LRRC7: variants seen among roughly 807,000 people sequenced by gnomAD.
LRRC7 encodes the protein leucine-rich repeat-containing protein 7.
Under a neutral mutation model 175.7 loss-of-function variants are expected in LRRC7, and 23 were observed. The observed-to-expected ratio is 0.13, with a 90% CI of 0.09 to 0.19. The LOEUF is 0.19. Among genes scored for constraint, LRRC7 ranks in the 10% least tolerant of loss-of-function variants. LRRC7 has a pLI of 1.00. For synonymous variants in LRRC7, 685 were observed against 680.9 expected (o/e 1.01, Z -0.09); for missense variants, 1,354 against 1,904.7 (o/e 0.71, Z 5.38).
intron 5 of LRRC7, among the ~76,000 whole-genome samples, chr1:69,829,338 GT>G (rs1446902397): frequency 2.6e-5 from 4 of 151,786 alleles, no homozygotes; most frequent in African/African-American, 9.7e-5. Context: ...CTTTGTTGTA[GT>G]TTTTTAACTG....
At chr1:69,655,671 A>C (rs1345770838) in intron 1 of LRRC7, among the ~76,000 whole-genome samples, 2 of 152,100 alleles carry the variant, frequency 1.3e-5, no homozygotes, top group East Asian at 3.8e-4. Flanking sequence ...AAAGAAAAGG[A>C]AAAAGGATAA....
At chr1:69,943,079 A>G (rs958845185) in intron 8 of LRRC7, among the ~76,000 whole-genome samples, 1 of 152,122 alleles carries the variant, frequency 6.6e-6, no homozygotes, top group African/African-American at 2.4e-5. Flanking sequence ...AAGCCAGAAG[A>G]TTGGACAGCC....
intron 25 of LRRC7, among the ~76,000 whole-genome samples, chr1:70,099,062 A>G (rs1341494162): frequency 6.7e-6 from 1 of 150,270 alleles, no homozygotes; most frequent in Non-Finnish European, 1.5e-5. Flanking sequence ...CATTGATGCA[A>G]AAATCCTCAA....
At position 69,669,711 on chromosome 1, in the gene LRRC7, T is replaced by G. The variant is rs937965169; in HGVS notation, c.3-8670T>G. Among the ~76,000 whole-genome samples, 8 of 152,344 alleles carry G rather than the reference T, an allele frequency of 5.3e-5. 1 individual carries two copies. On this transcript the variant is annotated intron_variant, in intron 1 of 26. Coordinates refer to ENST00000651989, the MANE Select transcript of LRRC7 (RefSeq NM_001370785.2). ...CCAGTAAGTTTTAGATTTGCCCGTT[T>G]GAGGCTATTTTCTAGATCTTGTAGT...
At chr1:69,595,217 C>T (rs553115172) in intron 1 of LRRC7, among the ~76,000 whole-genome samples, 1 of 152,140 alleles carries the variant, frequency 6.6e-6, no homozygotes, top group East Asian at 1.9e-4. Flanking sequence ...GTCAAGAGAT[C>T]GAGACCATCC....
intron 2 of LRRC7, among the ~76,000 whole-genome samples, chr1:69,714,542 G>A (rs1665126748): frequency 6.6e-6 from 1 of 152,140 alleles, no homozygotes; most frequent in Non-Finnish European, 1.5e-5. Context: ...TCCTGGAAGA[G>A]GAAGCTCATT....
intron 8 of LRRC7, among the ~76,000 whole-genome samples, chr1:69,977,261 G>A (rs761371883): frequency 2.0e-5 from 3 of 150,934 alleles, no homozygotes; most frequent in African/African-American, 4.9e-5. Flanking sequence ...TTCTTTTTTC[G>A]AATAGGATAG....
chr1:69,997,826 C>T (rs1264616105), intron 11 of LRRC7, among the ~76,000 whole-genome samples: 1 of 152,002 alleles, frequency 6.6e-6, no homozygotes, highest in East Asian at 1.9e-4. Context: ...AGGATTTTTG[C>T]ATCAATGTTC....
intron 4 of LRRC7, among the ~76,000 whole-genome samples, chr1:69,807,657 G>A (rs987604064): frequency 6.6e-6 from 1 of 152,034 alleles, no homozygotes; most frequent in Admixed American, 6.6e-5. Flanking sequence ...GGTTTCTGCC[G>A]AGGGATCCAC....
chr1:69,981,062 T>C (rs1380501814), intron 9 of LRRC7, among the ~76,000 whole-genome samples: 1 of 152,180 alleles, frequency 6.6e-6, no homozygotes, highest in Non-Finnish European at 1.5e-5. Flanking sequence ...TTCCTACTTT[T>C]CCCATCTAAC....
At chr1:70,083,718 A>C (rs1468444703) in intron 24 of LRRC7, among the ~76,000 whole-genome samples, 2 of 152,206 alleles carry the variant, frequency 1.3e-5, no homozygotes, top group Middle Eastern at 3.4e-3. Flanking sequence ...AACTCTACCA[A>C]ACCTACTTCC....
At position 69,663,700 on chromosome 1, in the gene LRRC7, A is replaced by ATTTTTTTTTT. The variant is rs552339451; in HGVS notation, c.3-14658_3-14649dup. 3.7e-4 allele frequency among the ~76,000 whole-genome samples: 25 copies of ATTTTTTTTTT among 67,740 alleles called. 1 individual carries two copies. The highest frequency in any genetic ancestry group is 7.4e-4 in the African/African-American group (11 of 14,946). 44.4% of individuals were successfully genotyped at this position (67,740 alleles called of 152,430 possible). On this transcript the variant is annotated intron_variant, in intron 1 of 26. Coordinates refer to ENST00000651989, the MANE Select transcript of LRRC7 (RefSeq NM_001370785.2). ...TGTCTCCATTAGTTCAATCGTTTTAATTTTTTTTTTTTTTTTTTTTTTTTT... is the reference window on the plus strand; with the variant it reads ...TGTCTCCATTAGTTCAATCGTTTTAATTTTTTTTTTTTTTTTTTTTTTTTTTTTTTTTTTT...
At chr1:69,727,931 C>T (rs1246432581) in intron 2 of LRRC7, among the ~76,000 whole-genome samples, 1 of 151,936 alleles carries the variant, frequency 6.6e-6, no homozygotes, top group Non-Finnish European at 1.5e-5. Context: ...AAAATAGTTC[C>T]CAGAAGGGAT....
chr1:69,947,333 T>C (rs1253271758), intron 8 of LRRC7, among the ~76,000 whole-genome samples: 1 of 151,964 alleles, frequency 6.6e-6, no homozygotes, highest in African/African-American at 2.4e-5. Flanking sequence ...TTTTTTGTGT[T>C]ATTTTTCTTC....
chr1:70,057,881 T>C (rs902638237), intron 23 of LRRC7, among the ~76,000 whole-genome samples: 1 of 152,118 alleles, frequency 6.6e-6, no homozygotes, highest in Non-Finnish European at 1.5e-5. Context: ...ATTGTCCCTG[T>C]CCTGTGCACC....
chr1:70,051,774 T>G (rs1466522881), intron 22 of LRRC7, among the ~76,000 whole-genome samples: 1 of 151,998 alleles, frequency 6.6e-6, no homozygotes, highest in African/African-American at 2.4e-5. Context: ...AGACTTCATC[T>G]AGTGTCATAT....
chr1:70,098,089 G>T (rs1264790170), intron 25 of LRRC7, among the ~76,000 whole-genome samples: 3 of 151,920 alleles, frequency 2.0e-5, no homozygotes, highest in Non-Finnish European at 2.9e-5. Flanking sequence ...CAGTGTAAAA[G>T]TGTTCCTATT....
At chr1:69,815,017 ATG>A (rs576136350) in intron 4 of LRRC7, among the ~76,000 whole-genome samples, 4 of 152,130 alleles carry the variant, frequency 2.6e-5, no homozygotes, top group Non-Finnish European at 4.4e-5. Flanking sequence ...TCCTGTCAAT[ATG>A]TTCAAACACA....
At position 70,028,234 on chromosome 1, in the gene LRRC7, T is replaced by G. The variant is rs769099864; in HGVS notation, c.1858T>G (p.Ser620Ala). ...YPEDLKNMVK[S>A]VQNLVGKPSH... ...AGAGGATTTAAAGAATATGGTAAAA[T>G]CTGTTCAAAATTTGGTGGGTAAGCC... Residue 620 changes from serine to alanine, a missense_variant, in exon 18 of 27, where the codon TCT (serine) becomes GCT (alanine). This residue lies in a region of LRRC7 where 1,032 missense variants were observed against 1,227.2 expected (regional missense o/e 0.84). Coordinates refer to ENST00000651989, the MANE Select transcript of LRRC7 (RefSeq NM_001370785.2). 6.8e-6 allele frequency: 11 copies of G among 1,613,682 alleles called. No individual in the cohort carries two copies. The highest frequency in any genetic ancestry group is 7.6e-6 in the Non-Finnish European group (9 of 1,179,782).
Sources: gnomAD v4.1 joint callset for allele counts (sites outside exome capture counted in the v4.1 genomes callset) on GRCh38, gnomAD v4.1.1 for gene constraint, gnomAD v4.1.1 regional missense constraint, MANE v1.5 for transcripts, NCBI Gene and HGNC (gene_info 2026-07-23, HGNC 2026-07-21) for gene names.